CNTNAP2: variants seen among roughly 807,000 people sequenced by gnomAD.
CNTNAP2 encodes the protein contactin-associated protein-like 2.
CNTNAP2 carries 98 observed loss-of-function variants against 155.2 expected under a neutral mutation model. That is an observed-to-expected ratio of 0.63 (90% CI 0.54 to 0.75). The LOEUF (loss-of-function observed/expected upper bound fraction) is 0.75, where lower values mean the gene tolerates loss of function less well. Ranked by LOEUF, CNTNAP2 falls within the 30% of genes least tolerant of loss-of-function variation. The probability of loss-of-function intolerance (pLI) is 0.00; values close to 1 mark genes in which losing one functional copy is unlikely to be tolerated. For synonymous variants in CNTNAP2, 651 were observed against 631.2 expected, an observed-to-expected ratio of 1.03 and a Z score of -0.47; for missense variants, 1,727 against 1,688.1, an observed-to-expected ratio of 1.02 and a Z score of -0.40.
intron 12 of CNTNAP2, 91 bp downstream of exon 12, chr7:147,562,348 GT>G: frequency 6.6e-7 from 1 of 1,506,012 alleles, no homozygotes. Flanking sequence ...TTGGTGCTAT[GT>G]TTTTATCACA....
At chr7:146,856,084 T>TA (rs34408965) in intron 3 of CNTNAP2, among the ~76,000 whole-genome samples, 110,038 of 151,378 alleles carry the variant, frequency 0.73, 40,934 homozygotes, top group African/African-American at 0.88. Context: ...TGATGGTTAA[T>TA]ACAAAATTAC....
At chr7:146,415,979 G>A (rs901684288) in intron 1 of CNTNAP2, among the ~76,000 whole-genome samples, 3 of 151,846 alleles carry the variant, frequency 2.0e-5, no homozygotes, top group African/African-American at 4.8e-5. Flanking sequence ...TACACATTTT[G>A]TGATAGTTTA....
chr7:147,389,667 T>C (rs1370274180), intron 9 of CNTNAP2, among the ~76,000 whole-genome samples: 5 of 152,196 alleles, frequency 3.3e-5, no homozygotes, highest in African/African-American at 9.6e-5. Context: ...ATAATTACAA[T>C]GTTCCTGGAA....
At chr7:146,214,923 C>T (rs979765056) in intron 1 of CNTNAP2, among the ~76,000 whole-genome samples, 1 of 152,028 alleles carries the variant, frequency 6.6e-6, no homozygotes, top group Non-Finnish European at 1.5e-5. Flanking sequence ...ATGCACTGTC[C>T]CCTTACCTCC....
chr7:146,663,228 A>T (rs1000706278), intron 1 of CNTNAP2, among the ~76,000 whole-genome samples: 4 of 148,500 alleles, frequency 2.7e-5, no homozygotes, highest in African/African-American at 1.0e-4. Flanking sequence ...CAGTGAGCCA[A>T]GATCAGCCAT....
intron 3 of CNTNAP2, among the ~76,000 whole-genome samples, chr7:146,944,277 T>A (rs967006468): frequency 3.7e-4 from 57 of 152,168 alleles, no homozygotes; most frequent in African/African-American, 1.3e-3. Context: ...ATACGTTTAT[T>A]TTTAAAAATC....
intron 1 of CNTNAP2, among the ~76,000 whole-genome samples, chr7:146,330,217 T>G (rs1240049098): frequency 2.6e-5 from 4 of 151,944 alleles, no homozygotes; most frequent in Non-Finnish European, 4.4e-5. Flanking sequence ...AGACAGGGTT[T>G]CTCCATGTTG....
chr7:147,503,920 G>T (rs1419038449), intron 11 of CNTNAP2, among the ~76,000 whole-genome samples: 1 of 152,146 alleles, frequency 6.6e-6, no homozygotes, highest in South Asian at 2.1e-4. Flanking sequence ...GAGGAGAAGG[G>T]AGAGGAGAGT....
At chr7:146,531,965 T>A (rs566231560) in intron 1 of CNTNAP2, among the ~76,000 whole-genome samples, 9 of 152,072 alleles carry the variant, frequency 5.9e-5, no homozygotes, top group Non-Finnish European at 1.5e-5. Flanking sequence ...GGAATCAACT[T>A]GAACAAGATA....
chr7:148,191,616 T>C (rs564025140), intron 18 of CNTNAP2, among the ~76,000 whole-genome samples: 10 of 152,300 alleles, frequency 6.6e-5, no homozygotes, highest in African/African-American at 2.2e-4. Context: ...CTCTTCTGGA[T>C]TGCAGGCTGC....
intron 12 of CNTNAP2, among the ~76,000 whole-genome samples, chr7:147,611,281 C>T (rs1197902087): frequency 1.3e-5 from 2 of 152,130 alleles, no homozygotes; most frequent in African/African-American, 2.4e-5. Flanking sequence ...CAAAGAGTAA[C>T]ATCTCCTTGC....
chr7:146,560,176 A>C (rs1563135104), intron 1 of CNTNAP2, among the ~76,000 whole-genome samples: 1 of 152,082 alleles, frequency 6.6e-6, no homozygotes, highest in African/African-American at 2.4e-5. Context: ...ATCTGATTCT[A>C]TCTTGAGTCC....
At chr7:147,441,850 T>TCTCTCA (rs1563205211) in intron 10 of CNTNAP2, among the ~76,000 whole-genome samples, 1 of 72,508 alleles carries the variant, frequency 1.4e-5, no homozygotes, top group East Asian at 3.5e-4. Context: ...TCTCTCTCTC[T>TCTCTCA]CCCTCCCTCC....
intron 18 of CNTNAP2, among the ~76,000 whole-genome samples, chr7:148,208,907 C>T (rs1026944182): frequency 6.6e-6 from 1 of 152,166 alleles, no homozygotes; most frequent in Non-Finnish European, 1.5e-5. Context: ...TCTTCCTTTG[C>T]AAGCTCATTT....
At chr7:147,868,153 G>C (rs941793286) in intron 13 of CNTNAP2, among the ~76,000 whole-genome samples, 8 of 152,042 alleles carry the variant, frequency 5.3e-5, no homozygotes, top group Non-Finnish European at 1.0e-4. Context: ...CCTTTTTGTT[G>C]ATGTTGATGC....
chr7:148,088,596 C>T (rs890794313), intron 15 of CNTNAP2, among the ~76,000 whole-genome samples: 3 of 151,704 alleles, frequency 2.0e-5, no homozygotes, highest in Non-Finnish European at 4.4e-5. Flanking sequence ...TCTCATAGAA[C>T]CCACCAAAAC....
intron 13 of CNTNAP2, among the ~76,000 whole-genome samples, chr7:147,781,368 C>G (rs557168431): frequency 6.6e-6 from 1 of 152,278 alleles, no homozygotes; most frequent in Admixed American, 6.5e-5. Context: ...AGTCACCTAA[C>G]TCCCTGGGGC....
chr7:147,097,832 G>A (rs755650134), intron 4 of CNTNAP2, among the ~76,000 whole-genome samples: 1 of 152,198 alleles, frequency 6.6e-6, no homozygotes, highest in Non-Finnish European at 1.5e-5. Flanking sequence ...GTGTTTCAAA[G>A]AGGAATTTTT....
chr7:146,402,835 T>G (rs565952263), intron 1 of CNTNAP2, among the ~76,000 whole-genome samples: 2 of 152,258 alleles, frequency 1.3e-5, no homozygotes, highest in South Asian at 4.1e-4. Context: ...ATATGAATCT[T>G]CCGGTTGAAT....
Sources: gnomAD v4.1 joint callset for allele counts (sites outside exome capture counted in the v4.1 genomes callset) on GRCh38, gnomAD v4.1.1 for gene constraint, MANE v1.5 for transcripts, NCBI Gene and HGNC (gene_info 2026-07-23, HGNC 2026-07-21) for gene names.